Variants in RABGAP1L observed in about 807,000 individuals in gnomAD.
The protein encoded by RABGAP1L is rab GTPase-activating protein 1-like.
In RABGAP1L, 63 loss-of-function variants were observed where a neutral mutation model predicts 137.7. That is an observed-to-expected ratio of 0.46 (90% CI 0.37 to 0.56). The LOEUF (loss-of-function observed/expected upper bound fraction) is 0.56, where lower values mean the gene tolerates loss of function less well. Among genes scored for constraint, RABGAP1L ranks in the 20% least tolerant of loss-of-function variants. The probability of loss-of-function intolerance (pLI) is 0.00; values close to 1 mark genes in which losing one functional copy is unlikely to be tolerated. For missense variants in RABGAP1L, 1,095 were observed against 1,244.0 expected, an observed-to-expected ratio of 0.88 and a Z score of 1.80; for synonymous variants, 431 against 433.7, an observed-to-expected ratio of 0.99 and a Z score of 0.08.
At chr1:174,209,474 C>T (rs192815301) in intron 1 of RABGAP1L, among the ~76,000 whole-genome samples, 1 of 152,288 alleles carries the variant, frequency 6.6e-6, no homozygotes, top group East Asian at 1.9e-4. Flanking sequence ...ACCAAATGGG[C>T]CTGTGTTGTG....
intron 10 of RABGAP1L, 123 bp from the exon 11 acceptor site, chr1:174,304,863 C>T: frequency 1.2e-6 from 1 of 849,862 alleles, no homozygotes; most frequent in East Asian, 3.3e-5. Flanking sequence ...CTCAGACATG[C>T]TGTAGATCAA....
At chr1:174,887,988 G>T (rs1418096384) in intron 19 of RABGAP1L, among the ~76,000 whole-genome samples, 1 of 151,888 alleles carries the variant, frequency 6.6e-6, no homozygotes, top group East Asian at 1.9e-4. Context: ...AGTGAGCTGA[G>T]ATCACGCCAC....
At chr1:174,654,378 C>T (rs1675803762) in intron 14 of RABGAP1L, among the ~76,000 whole-genome samples, 1 of 152,180 alleles carries the variant, frequency 6.6e-6, no homozygotes, top group African/African-American at 2.4e-5. Context: ...AAATTTAATG[C>T]ATATAAACCC....
At chr1:174,701,076 G>GC (rs1464779311) in intron 16 of RABGAP1L, 2 of 1,303,158 alleles carry the variant, frequency 1.5e-6, no homozygotes, top group East Asian at 1.1e-4. Context: ...GGCTTATTTT[G>GC]TTTTTTATTC....
chr1:174,621,924 A>C (rs988459371), intron 13 of RABGAP1L, among the ~76,000 whole-genome samples: 1 of 152,132 alleles, frequency 6.6e-6, no homozygotes, highest in Non-Finnish European at 1.5e-5. Flanking sequence ...GCAACCTACA[A>C]AATGGGAGAA....
intron 19 of RABGAP1L, among the ~76,000 whole-genome samples, chr1:174,886,921 C>T (rs1401111402): frequency 6.6e-6 from 1 of 152,092 alleles, no homozygotes; most frequent in African/African-American, 2.4e-5. Context: ...ATCCTCTTGC[C>T]TCAGCCTCCT....
In RABGAP1L at chr1:174,252,550, A is replaced by G; in HGVS notation, c.946A>G (p.Thr316Ala). 1 of 1,612,318 alleles carries G rather than the reference A, an allele frequency of 6.2e-7. No individual in the cohort carries two copies. Among genetic ancestry groups the G allele is most frequent in the Non-Finnish European group, 8.5e-7 (1 of 1,179,458 alleles). ...KQGIEKKVVI[T>A]VQQLSNKELA... ...AGGAATAGAGAAGAAGGTTGTGATT[A>G]CAGTGCAGCAACTTTCTAACAAAGA... Residue 316 changes from threonine (T) to alanine (A), a missense_variant, in exon 7 of 26, where the codon ACA (threonine) becomes GCA (alanine). Coordinates refer to ENST00000681986, the MANE Select transcript of RABGAP1L (RefSeq NM_001366446.1).
intron 6 of RABGAP1L, 122 bp downstream of exon 6, chr1:174,250,754 G>A: frequency 2.4e-6 from 2 of 839,188 alleles, no homozygotes; most frequent in Non-Finnish European, 3.5e-6. Flanking sequence ...TATTTGGCTG[G>A]TGAATTAATA....
chr1:174,707,202 AG>A (rs1399335736), intron 17 of RABGAP1L, among the ~76,000 whole-genome samples: 3 of 140,552 alleles, frequency 2.1e-5, no homozygotes, highest in African/African-American at 8.3e-5. Context: ...CTTGTGATCA[AG>A]GGCAAGGTTT....
At chr1:174,950,541 A>T (rs1260774897) in intron 19 of RABGAP1L, among the ~76,000 whole-genome samples, 1 of 152,108 alleles carries the variant, frequency 6.6e-6, no homozygotes, top group African/African-American at 2.4e-5. Context: ...ACTACTGCAA[A>T]CTGTTAGAAT....
At chr1:174,809,727 C>T (rs941019203) in intron 18 of RABGAP1L, among the ~76,000 whole-genome samples, 5 of 152,198 alleles carry the variant, frequency 3.3e-5, no homozygotes, top group Middle Eastern at 3.2e-3. Flanking sequence ...GTCCAAACCA[C>T]TACCAGAGAG....
rs1294397296 is a variant in RABGAP1L at position 174,728,594 on chromosome 1, CTTTTTTT to C, written c.2170-23704_2170-23698del. On this transcript the variant is annotated intron_variant, in intron 17 of 25. Transcript: ENST00000681986. ...GCTATTCCTATCAAACTACCAGTGT[CTTTTTTT>C]TTTTTTTTTTTTTTGAGATGGAGTC... Among the ~76,000 whole-genome samples the C allele has an allele frequency of 3.9e-4, 45 of 114,646 alleles. 1 individual carries two copies. The highest frequency in any genetic ancestry group is 2.2e-3 in the South Asian group (8 of 3,562). 75.2% of individuals were successfully genotyped at this position (114,646 alleles called of 152,430 possible).
intron 11 of RABGAP1L, among the ~76,000 whole-genome samples, chr1:174,349,402 G>A (rs1209148662): frequency 7.5e-6 from 1 of 133,104 alleles, no homozygotes; most frequent in Non-Finnish European, 1.6e-5. Context: ...CTGGCCGGGT[G>A]GGGGGCTGAC....
At chr1:174,562,308 C>T (rs1489095953) in intron 13 of RABGAP1L, among the ~76,000 whole-genome samples, 1 of 152,206 alleles carries the variant, frequency 6.6e-6, no homozygotes, top group African/African-American at 2.4e-5. Context: ...AATGAGATAA[C>T]AATCTCACAC....
At chr1:174,173,278 G>A (rs1665560884) in intron 1 of RABGAP1L, among the ~76,000 whole-genome samples, 1 of 151,856 alleles carries the variant, frequency 6.6e-6, no homozygotes, top group Non-Finnish European at 1.5e-5. Flanking sequence ...TTACAGGCGT[G>A]CACCACCATG....
chr1:174,432,261 G>T (rs556259145), intron 13 of RABGAP1L, among the ~76,000 whole-genome samples: 1 of 152,060 alleles, frequency 6.6e-6, no homozygotes, highest in Non-Finnish European at 1.5e-5. Flanking sequence ...GCCTCTGGTC[G>T]CATCCATTCT....
At chr1:174,690,869 A>G (rs996386239) in intron 15 of RABGAP1L, among the ~76,000 whole-genome samples, 4 of 125,696 alleles carry the variant, frequency 3.2e-5, no homozygotes, top group African/African-American at 1.2e-4. Flanking sequence ...GTCTCGCTCT[A>G]TGACCCAGGC....
rs575173120 is a variant in RABGAP1L at position 174,241,551 on chromosome 1, G to A, written c.611G>A (p.Arg204His). The change falls in exon 5 of 26, where the codon CGT becomes CAT. Residue 204 changes from arginine to histidine, a missense_variant. Transcript: ENST00000681986. Reference sequence around the variant, plus strand: ...ATCTATAAGGTGTTATTCTGTGCACGTGGACATGACGGAACAACAGAGAGC... The same window carrying A: ...ATCTATAAGGTGTTATTCTGTGCACATGGACATGACGGAACAACAGAGAGC... ...FPIYKVLFCA[R>H]GHDGTTESNC... The A allele has an allele frequency of 3.7e-6, 6 of 1,613,114 alleles. No homozygotes were observed. The highest frequency in any genetic ancestry group is 2.2e-5 in the East Asian group (1 of 44,858).
At chr1:174,634,633 C>G (rs1673775015) in intron 13 of RABGAP1L, among the ~76,000 whole-genome samples, 1 of 105,290 alleles carries the variant, frequency 9.5e-6, no homozygotes, top group African/African-American at 4.2e-5. Flanking sequence ...GGAACCAACC[C>G]AAATGTCCAA....
Sources: gnomAD v4.1 joint callset for allele counts (sites outside exome capture counted in the v4.1 genomes callset) on GRCh38, gnomAD v4.1.1 for gene constraint, MANE v1.5 for transcripts, NCBI Gene and HGNC (gene_info 2026-07-23, HGNC 2026-07-21) for gene names.